The following CNOT4 variants were observed in gnomAD, a reference collection of about 807,000 sequenced individuals.
The protein encoded by CNOT4 is CCR4-NOT transcription complex subunit 4.
A neutral mutation model predicts 73.8 loss-of-function variants in CNOT4; 8 were observed. The observed-to-expected ratio is 0.11, with a 90% CI of 0.06 to 0.20. The LOEUF (loss-of-function observed/expected upper bound fraction) is 0.20, where lower values mean the gene tolerates loss of function less well. Among genes scored for constraint, CNOT4 ranks in the 10% least tolerant of loss-of-function variants. The pLI is 1.00. For synonymous variants in CNOT4, 293 were observed against 321.1 expected, an observed-to-expected ratio of 0.91 and a Z score of 0.94; for missense variants, 564 against 883.4, an observed-to-expected ratio of 0.64 and a Z score of 4.58.
chr7:135,393,341 C>T (rs1408109636), intron 10 of CNOT4, among the ~76,000 whole-genome samples: 1 of 152,056 alleles, frequency 6.6e-6, no homozygotes, highest in Non-Finnish European at 1.5e-5. Context: ...TTTCCTTGAA[C>T]AATTTCTCTT....
chr7:135,375,706 C>G (rs191290820), intron 10 of CNOT4, among the ~76,000 whole-genome samples: 49 of 152,176 alleles, frequency 3.2e-4, no homozygotes, highest in Admixed American at 2.6e-3. Context: ...GGGAGGATCA[C>G]GGGGTCAGGG....
intron 2 of CNOT4, among the ~76,000 whole-genome samples, chr7:135,434,083 A>G (rs746818434): frequency 8.5e-5 from 13 of 152,126 alleles, no homozygotes; most frequent in Non-Finnish European, 1.9e-4. Context: ...GCATCTCCCA[A>G]GTTTCTTCAG....
At chr7:135,389,821 T>A (rs1796311463) in intron 10 of CNOT4, among the ~76,000 whole-genome samples, 1 of 152,138 alleles carries the variant, frequency 6.6e-6, no homozygotes, top group Non-Finnish European at 1.5e-5. Flanking sequence ...AATATTTTTT[T>A]AAAACAAATC....
intron 10 of CNOT4, among the ~76,000 whole-genome samples, chr7:135,385,751 G>A (rs1299040853): frequency 6.6e-6 from 1 of 152,132 alleles, no homozygotes; most frequent in East Asian, 1.9e-4. Context: ...AATAAAATGA[G>A]TCTGGACTGC....
At position 135,362,438 on chromosome 7, in the gene CNOT4, C is replaced by T. The variant is rs1001076734; in HGVS notation, c.*447G>A. ...TACAAGATGGATGCTAGGACCACTGCTTTCCCCCATGCATTTAGCAATCTC... is the reference window on the plus strand; with the variant it reads ...TACAAGATGGATGCTAGGACCACTGTTTTCCCCCATGCATTTAGCAATCTC... On this transcript the variant is annotated 3_prime_UTR_variant, in exon 12 of 12. Coordinates refer to ENST00000541284, the MANE Select transcript of CNOT4 (RefSeq NM_001190850.2). 2 of 281,710 alleles carry T rather than the reference C, an allele frequency of 7.1e-6. No homozygotes were observed. The highest frequency in any genetic ancestry group is 1.4e-5 in the Non-Finnish European group (2 of 143,980). 17.5% of individuals were successfully genotyped at this position (281,710 alleles called of 1,614,324 possible). A position where few individuals can be genotyped will look rare whatever the true frequency, so the allele number is the denominator to read the frequency against.
chr7:135,419,573 C>T (rs1798063835), intron 3 of CNOT4, among the ~76,000 whole-genome samples: 1 of 151,938 alleles, frequency 6.6e-6, no homozygotes, highest in Admixed American at 6.6e-5. Flanking sequence ...AATCCAATGT[C>T]CTCTCACCAA....
chr7:135,386,828 T>G (rs1796144840), intron 10 of CNOT4: 1 of 153,202 alleles, frequency 6.5e-6, no homozygotes. Flanking sequence ...CTGGGCAAAC[T>G]ACCTGATGAT....
At chr7:135,418,833 T>C (rs1798015991) in intron 3 of CNOT4, among the ~76,000 whole-genome samples, 1 of 152,132 alleles carries the variant, frequency 6.6e-6, no homozygotes, top group African/African-American at 2.4e-5. Flanking sequence ...TTTTTGTCAA[T>C]CTCCACACTA....
chr7:135,413,406 G>A, intron 6 of CNOT4, 82 bp downstream of exon 6: 1 of 1,495,394 alleles, frequency 6.7e-7, no homozygotes, highest in Non-Finnish European at 9.1e-7. Flanking sequence ...CAAATCCTTA[G>A]TTTTTGCTTT....
Position 135,394,192 on chromosome 7 carries a change from A to C in CNOT4, c.1353T>G (p.Ser451=). The part of the protein sequence containing the change: ...SHTTTAKGPG[S]GFLHPAAATN... ...TAGCTGCAGCAGGATGCAGGAATCC[A>C]GAGCCTGGACCTTTGGCGGTTGTAG... Residue 451 remains serine, a synonymous_variant, in exon 10 of 12, where the codon TCT becomes TCG. Transcript: ENST00000541284. The C allele has an allele frequency of 6.2e-7, 1 of 1,614,236 alleles. No homozygotes were observed. Among genetic ancestry groups the C allele is most frequent in the Non-Finnish European group, 8.5e-7 (1 of 1,180,028 alleles).
chr7:135,469,106 C>T (rs771976167), intron 1 of CNOT4, among the ~76,000 whole-genome samples: 12 of 151,912 alleles, frequency 7.9e-5, no homozygotes, highest in African/African-American at 1.9e-4. Flanking sequence ...TGATGATAAA[C>T]GGAAGAGCAG....
chr7:135,385,339 C>T (rs139009145), intron 10 of CNOT4, among the ~76,000 whole-genome samples: 108 of 152,322 alleles, frequency 7.1e-4, no homozygotes, highest in Non-Finnish European at 1.0e-3. Context: ...CCCCTATAGG[C>T]CACTGTAAGA....
intron 10 of CNOT4, chr7:135,387,578 ATACC>A: frequency 2.0e-6 from 2 of 976,966 alleles, no homozygotes; most frequent in Non-Finnish European, 2.4e-6. Flanking sequence ...AAATTAAAGC[ATACC>A]TTTTATCATA....
chr7:135,420,984 C>T (rs1384359401), intron 3 of CNOT4, among the ~76,000 whole-genome samples: 2 of 152,158 alleles, frequency 1.3e-5, no homozygotes, highest in African/African-American at 4.8e-5. Flanking sequence ...TCCTGAGTAT[C>T]ATGTAACTAA....
rs1279756794 is a variant in CNOT4 at position 135,422,212 on chromosome 7, C to T, written c.316G>A (p.Val106Ile). ...NRKHLASVRV[V>I]QKNLVFVVGL... ...ACAACAAAGACGAGGTTTTTTTGTACGACACGTACACTAGCCAAATGTTTG... is the reference window on the plus strand; with the variant it reads ...ACAACAAAGACGAGGTTTTTTTGTATGACACGTACACTAGCCAAATGTTTG... The change falls in exon 3 of 12, where the codon GTA becomes ATA. Residue 106 changes from valine to isoleucine, a missense_variant. Val to Ile is a conservative substitution (Grantham distance 29). Coordinates refer to ENST00000541284, the MANE Select transcript of CNOT4 (RefSeq NM_001190850.2). 8 of 1,611,648 alleles carry T rather than the reference C, an allele frequency of 5.0e-6. No homozygotes were observed. The highest frequency in any genetic ancestry group is 2.7e-5 in the African/African-American group (2 of 74,824).
chr7:135,476,453 T>G (rs1801999819), intron 1 of CNOT4, among the ~76,000 whole-genome samples: 1 of 152,236 alleles, frequency 6.6e-6, no homozygotes, highest in Non-Finnish European at 1.5e-5. Context: ...TATAAAACAC[T>G]AATTTTATGG....
chr7:135,486,016 T>C (rs987780274), intron 1 of CNOT4, among the ~76,000 whole-genome samples: 10 of 151,976 alleles, frequency 6.6e-5, no homozygotes, highest in Non-Finnish European at 1.3e-4. Flanking sequence ...AGGGAGAAAA[T>C]ACTAGCAAAC....
At position 135,364,155 on chromosome 7, in the gene CNOT4, G is replaced by A. The variant is rs1055148978; in HGVS notation, c.1628-89C>T. On this transcript the variant is annotated intron_variant, in intron 10 of 11. Coordinates refer to ENST00000541284, the MANE Select transcript of CNOT4 (RefSeq NM_001190850.2). This position sits in a 1 kb window ranked among gnomAD's most constrained non-coding sequence, Gnocchi z 4.3. ...ATGTTGTTCTTTAGTGGTTAAGCGG[G>A]AGAAGAATTATTCTTTCTTTATTGA... 1 of 952,944 alleles carries A rather than the reference G, an allele frequency of 1.0e-6. No homozygotes were observed. Among genetic ancestry groups the A allele is most frequent in the Middle Eastern group, 2.4e-4 (1 of 4,112 alleles). 59.0% of individuals were successfully genotyped at this position (952,944 alleles called of 1,614,324 possible).
chr7:135,422,073 A>C (rs1798225097), intron 3 of CNOT4, 83 bp downstream of exon 3: 1 of 793,570 alleles, frequency 1.3e-6, no homozygotes, highest in Non-Finnish European at 2.2e-6. Flanking sequence ...GGAATCACAC[A>C]ATTGAGCAGG....
Sources: gnomAD v4.1 joint callset for allele counts (sites outside exome capture counted in the v4.1 genomes callset) on GRCh38, gnomAD v4.1.1 for gene constraint, Gnocchi (gnomAD v3.1) non-coding constraint, MANE v1.5 for transcripts, NCBI Gene and HGNC (gene_info 2026-07-23, HGNC 2026-07-21) for gene names.